Variants in CTIF observed in about 807,000 individuals in gnomAD.
CTIF encodes the protein cap binding complex dependent translation initiation factor.
In CTIF, 21 loss-of-function variants were observed where a neutral mutation model predicts 66.0. The ratio of observed to expected loss-of-function variants is 0.32; its 90% CI spans 0.23 to 0.46. The LOEUF is 0.46. CTIF is among the 20% of genes least tolerant of loss of function. CTIF has a pLI of 1.00. For missense variants in CTIF, 739 were observed against 812.7 expected (o/e 0.91, Z 1.10); for synonymous variants, 345 against 326.4 (o/e 1.06, Z -0.62).
At chr18:48,705,415 C>T (rs2092139035) in intron 6 of CTIF, among the ~76,000 whole-genome samples, 1 of 152,204 alleles carries the variant, frequency 6.6e-6, no homozygotes, top group African/African-American at 2.4e-5. Context: ...GGACACCCAT[C>T]GTTGGATTTA....
chr18:48,722,867 C>T (rs946550549), intron 7 of CTIF, among the ~76,000 whole-genome samples: 6 of 152,202 alleles, frequency 3.9e-5, no homozygotes, highest in Non-Finnish European at 8.8e-5. Flanking sequence ...GCTGTGCATC[C>T]CACTGGTTCT....
chr18:48,544,075 G>A (rs762971878), intron 1 of CTIF, among the ~76,000 whole-genome samples: 6 of 152,162 alleles, frequency 3.9e-5, no homozygotes, highest in Non-Finnish European at 5.9e-5. Flanking sequence ...GCTGGGATGC[G>A]TGTGTACTTT....
At position 48,730,420 on chromosome 18, in the gene CTIF, CCCCTGCGCTGTGAGGGGCCCCTGT is replaced by C. The variant is rs1568171471; in HGVS notation, c.584+18726_584+18749del. ...TGAGGGGCTTCCACGGTGTGTGGGG[CCCCTGCGCTGTGAGGGGCCCCTGT>C]GGTGTGAGGGGCTTCCGCGGTGTGA... On this transcript the variant is annotated intron_variant, in intron 7 of 11. Coordinates refer to ENST00000256413, the MANE Select transcript of CTIF (RefSeq NM_014772.3). Among the ~76,000 whole-genome samples the C allele has an allele frequency of 6.8e-3, 925 of 135,872 alleles. 27 individuals are homozygous for C. Among genetic ancestry groups the C allele is most frequent in the Non-Finnish European group, 0.011 (659 of 60,330 alleles). The allele number at this position is 135,872 out of a possible 152,430, so 89.1% of individuals were successfully genotyped here.
intron 1 of CTIF, among the ~76,000 whole-genome samples, chr18:48,609,589 G>A (rs1401077617): frequency 6.6e-6 from 1 of 152,124 alleles, no homozygotes; most frequent in Non-Finnish European, 1.5e-5. Context: ...CCAACAGCAC[G>A]CAGAGAAAAG....
Position 48,761,412 on chromosome 18 carries a change from C to G in CTIF, c.1094C>G (p.Thr365Ser). The change falls in exon 9 of 12, where the codon ACC (threonine) becomes AGC (serine). Residue 365 changes from threonine (T) to serine (S), a missense_variant. Physicochemically the swap from Thr to Ser is moderately conservative, Grantham distance 58 (BLOSUM62 1). Transcript: ENST00000256413. This position sits in a 1 kb window ranked among gnomAD's most constrained non-coding sequence, Gnocchi z 4.2. ...CAGGATGAAGTGGCCGTGGAGACGA[C>G]CACTCCCCAGCAGAACAAGATGGAC... The part of the protein sequence containing the change: ...KEKDEVAVET[T>S]TPQQNKMDKL... 6.2e-7 allele frequency: 1 copy of G among 1,613,660 alleles called. No individual in the cohort carries two copies. The highest frequency in any genetic ancestry group is 1.1e-5 in the South Asian group (1 of 91,076).
chr18:48,790,412 G>A (rs953049150), intron 9 of CTIF, among the ~76,000 whole-genome samples: 1 of 152,308 alleles, frequency 6.6e-6, no homozygotes, highest in East Asian at 1.9e-4. Context: ...TGCCGAGTTC[G>A]AGGGGGCATG....
chr18:48,779,458 A>G (rs1376495749), intron 9 of CTIF, among the ~76,000 whole-genome samples: 1 of 152,226 alleles, frequency 6.6e-6, no homozygotes, highest in Admixed American at 6.5e-5. Context: ...TGCCACCTGC[A>G]TGCCCTGATT....
At chr18:48,699,533 G>A (rs530444415) in intron 6 of CTIF, among the ~76,000 whole-genome samples, 1 of 152,292 alleles carries the variant, frequency 6.6e-6, no homozygotes, top group East Asian at 1.9e-4. Context: ...CTTAGCAGGT[G>A]GTTAGTTGAT....
intron 7 of CTIF, among the ~76,000 whole-genome samples, chr18:48,739,921 C>G (rs939199152): frequency 6.6e-6 from 1 of 152,236 alleles, no homozygotes; most frequent in Non-Finnish European, 1.5e-5. Flanking sequence ...TGACCTTCTG[C>G]TTATGTGCTG....
chr18:48,586,952 C>A (rs2089782067), intron 1 of CTIF, among the ~76,000 whole-genome samples: 1 of 152,122 alleles, frequency 6.6e-6, no homozygotes, highest in African/African-American at 2.4e-5. Flanking sequence ...GTGAGTGGCA[C>A]CCAGGTAAGT....
intron 10 of CTIF, among the ~76,000 whole-genome samples, chr18:48,846,400 C>A (rs1413792969): frequency 6.6e-6 from 1 of 152,148 alleles, no homozygotes; most frequent in Non-Finnish European, 1.5e-5. Flanking sequence ...CCTGTACTTA[C>A]GTAGCATTTA....
chr18:48,679,329 C>T (rs1020270560), intron 6 of CTIF, among the ~76,000 whole-genome samples: 2 of 152,204 alleles, frequency 1.3e-5, no homozygotes, highest in African/African-American at 4.8e-5. Flanking sequence ...CATATAATGA[C>T]AGGGATTTTT....
At chr18:48,708,882 A>G (rs2092192035) in intron 6 of CTIF, among the ~76,000 whole-genome samples, 1 of 152,052 alleles carries the variant, frequency 6.6e-6, no homozygotes, top group South Asian at 2.1e-4. Flanking sequence ...CTCTTTTCCA[A>G]GGCTGGGGGC....
At chr18:48,750,182 G>A (rs906032313) in intron 7 of CTIF, among the ~76,000 whole-genome samples, 3 of 152,198 alleles carry the variant, frequency 2.0e-5, no homozygotes, top group African/African-American at 7.2e-5. Context: ...TCCTGTAGGT[G>A]GGAGGCCACC....
At chr18:48,740,179 G>A (rs952116613) in intron 7 of CTIF, among the ~76,000 whole-genome samples, 3 of 152,172 alleles carry the variant, frequency 2.0e-5, no homozygotes, top group East Asian at 1.9e-4. Context: ...GTCCAGGCTC[G>A]GGCAATTCCC....
intron 6 of CTIF, among the ~76,000 whole-genome samples, chr18:48,678,531 T>G (rs976770003): frequency 6.6e-6 from 1 of 151,810 alleles, no homozygotes; most frequent in Non-Finnish European, 1.5e-5. Context: ...GCAGGTCCAC[T>G]GGGAAGGGGC....
At chr18:48,612,179 C>T (rs1387146039) in intron 1 of CTIF, among the ~76,000 whole-genome samples, 1 of 152,216 alleles carries the variant, frequency 6.6e-6, no homozygotes, top group Non-Finnish European at 1.5e-5. Flanking sequence ...GCTTGAGGGC[C>T]GCAGACTGTC....
At chr18:48,657,902 T>G (rs1264769396) in intron 3 of CTIF, among the ~76,000 whole-genome samples, 3 of 152,156 alleles carry the variant, frequency 2.0e-5, no homozygotes, top group Non-Finnish European at 4.4e-5. Context: ...CCCCTTCTTC[T>G]CTGTCCTCAG....
intron 2 of CTIF, among the ~76,000 whole-genome samples, chr18:48,626,000 C>CTTTTTTTTTTTTTTTT (rs74174709): frequency 1.3e-4 from 14 of 109,170 alleles, no homozygotes; most frequent in Non-Finnish European, 1.6e-4. Context: ...CTTTTTCTTT[C>CTTTTTTTTTTTTTTTT]TTTTTTTTTT....
Sources: gnomAD v4.1 joint callset for allele counts (sites outside exome capture counted in the v4.1 genomes callset) on GRCh38, gnomAD v4.1.1 for gene constraint, Gnocchi (gnomAD v3.1) non-coding constraint, MANE v1.5 for transcripts, NCBI Gene and HGNC (gene_info 2026-07-23, HGNC 2026-07-21) for gene names.